The following XKR6 variants were observed in gnomAD, a reference collection of about 807,000 sequenced individuals.
The protein encoded by XKR6 is XK related 6, also known as XK-related protein 6.
In XKR6, 22 loss-of-function variants were observed where a neutral mutation model predicts 56.7. The observed-to-expected ratio is 0.39, with a 90% CI of 0.28 to 0.55. The LOEUF is 0.55. Ranked by LOEUF, XKR6 falls within the 20% of genes least tolerant of loss-of-function variation. The pLI is 0.66. For synonymous variants in XKR6, 524 were observed against 387.8 expected (o/e 1.35, Z -4.13); for missense variants, 852 against 889.0 (o/e 0.96, Z 0.53).
chr8:10,951,151 C>T (rs1801706819), intron 1 of XKR6, among the ~76,000 whole-genome samples: 1 of 152,222 alleles, frequency 6.6e-6, no homozygotes, highest in Non-Finnish European at 1.5e-5. Flanking sequence ...CTGGAGGCCA[C>T]AGCACCCCAG....
intron 1 of XKR6, among the ~76,000 whole-genome samples, chr8:11,035,876 G>T (rs190717973): frequency 6.6e-6 from 1 of 151,944 alleles, no homozygotes; most frequent in East Asian, 1.9e-4. Flanking sequence ...TACATCTAGG[G>T]CTCCCCTTTG....
intron 1 of XKR6, among the ~76,000 whole-genome samples, chr8:11,185,501 C>G (rs1440049861): frequency 6.6e-6 from 1 of 152,232 alleles, no homozygotes; most frequent in East Asian, 1.9e-4. Context: ...GAGTAAATTT[C>G]TAAATGTACG....
chr8:11,114,607 C>T lies in XKR6; in HGVS notation c.764+85969G>A, dbSNP rs1477930932. Among the ~76,000 whole-genome samples, 8 of 152,290 alleles carry T rather than the reference C, an allele frequency of 5.3e-5. 1 individual carries two copies. Among genetic ancestry groups the T allele is most frequent in the African/African-American group, 1.7e-4 (7 of 41,566 alleles). On this transcript the variant is annotated intron_variant, in intron 1 of 2. Coordinates refer to ENST00000416569, the MANE Select transcript of XKR6 (RefSeq NM_173683.4). ...AACTCCTGACCTCAGATGATCCACC[C>T]GCCTTGGCCTCCCAAAGTGCTGGGA... is the stretch of plus-strand genomic sequence containing the variant.
At chr8:11,082,053 A>C (rs543577534) in intron 1 of XKR6, among the ~76,000 whole-genome samples, 2 of 152,338 alleles carry the variant, frequency 1.3e-5, no homozygotes, top group African/African-American at 4.8e-5. Flanking sequence ...GCTAGCAGTC[A>C]GACCAGGCTG....
At chr8:10,960,513 A>G (rs971237479) in intron 1 of XKR6, among the ~76,000 whole-genome samples, 4 of 152,212 alleles carry the variant, frequency 2.6e-5, no homozygotes, top group Non-Finnish European at 5.9e-5. Context: ...CTCCACAAGA[A>G]AGGAAGAAAT....
chr8:11,180,741 CAAAA>C (rs200435649), intron 1 of XKR6, among the ~76,000 whole-genome samples: 4 of 151,346 alleles, frequency 2.6e-5, no homozygotes, highest in Non-Finnish European at 4.4e-5. Context: ...CCCAACTCCA[CAAAA>C]AAAATATAAA....
At chr8:11,106,881 G>A (rs1263389052) in intron 1 of XKR6, among the ~76,000 whole-genome samples, 3 of 102,136 alleles carry the variant, frequency 2.9e-5, no homozygotes, top group African/African-American at 5.2e-5. Context: ...AAGATACAAC[G>A]TTACAAAATG....
At chr8:11,095,657 A>G (rs1483635844) in intron 1 of XKR6, among the ~76,000 whole-genome samples, 5 of 152,208 alleles carry the variant, frequency 3.3e-5, no homozygotes, top group African/African-American at 1.2e-4. Context: ...GCCAAAATAT[A>G]TATGTATATA....
intron 1 of XKR6, among the ~76,000 whole-genome samples, chr8:10,942,301 C>A (rs963214445): frequency 1.3e-5 from 2 of 152,244 alleles, no homozygotes; most frequent in African/African-American, 2.4e-5. Flanking sequence ...AGAGCACACA[C>A]GCATGCAAAC....
intron 1 of XKR6, among the ~76,000 whole-genome samples, chr8:11,154,052 G>A (rs1801387621): frequency 6.6e-6 from 1 of 152,226 alleles, no homozygotes; most frequent in South Asian, 2.1e-4. Flanking sequence ...GCCTTGCCGA[G>A]AAGAGACATC....
intron 1 of XKR6, among the ~76,000 whole-genome samples, chr8:11,102,525 G>C (rs115302488): frequency 0.011 from 1,698 of 152,304 alleles, 37 homozygotes; most frequent in African/African-American, 0.037. Flanking sequence ...CAGGAAGCAA[G>C]AATGGAAGGG....
intron 1 of XKR6, among the ~76,000 whole-genome samples, chr8:11,097,585 A>G (rs2129174854): frequency 6.6e-6 from 1 of 151,856 alleles, no homozygotes; most frequent in East Asian, 1.9e-4. Context: ...GGGTGGGCGT[A>G]TCAACCGAGG....
chr8:11,178,620 CACACACAAATATATATATACACAT>C (rs1252772190), intron 1 of XKR6, among the ~76,000 whole-genome samples: 1 of 124,712 alleles, frequency 8.0e-6, no homozygotes, highest in Non-Finnish European at 1.6e-5. Flanking sequence ...TATATATATA[CACACACAAATATATATATACACAT>C]ACACACAAAT....
chr8:10,942,594 G>C (rs1282504075), intron 1 of XKR6, among the ~76,000 whole-genome samples: 2 of 152,242 alleles, frequency 1.3e-5, no homozygotes, highest in Non-Finnish European at 2.9e-5. Context: ...TCACCTCAGA[G>C]AGGACAGCAG....
intron 1 of XKR6, among the ~76,000 whole-genome samples, chr8:11,152,038 A>G (rs1801295499): frequency 6.6e-6 from 1 of 152,238 alleles, no homozygotes; most frequent in African/African-American, 2.4e-5. Context: ...TTAACAAATT[A>G]CTATCAAAAC....
intron 1 of XKR6, among the ~76,000 whole-genome samples, chr8:11,086,017 T>C (rs1272187080): frequency 1.3e-5 from 2 of 151,722 alleles, no homozygotes; most frequent in Non-Finnish European, 2.9e-5. Context: ...AATCAAAGTC[T>C]CCTCCTTGGC....
chr8:11,146,617 C>A (rs1375534085), intron 1 of XKR6, among the ~76,000 whole-genome samples: 1 of 146,806 alleles, frequency 6.8e-6, no homozygotes, highest in Non-Finnish European at 1.5e-5. Context: ...TAGAGTGAGA[C>A]CCTGTCAAAA....
Position 11,042,860 on chromosome 8 carries a change from T to C in XKR6, c.765-118030A>G, listed in dbSNP as rs1384568899. ...CCTTGGCAGAAATGGGGAAGGCAGC[T>C]CCCTGGGCCTCCCTAGCACTTAGGC... On this transcript the variant is annotated intron_variant, in intron 1 of 2. Coordinates refer to ENST00000416569, the MANE Select transcript of XKR6 (RefSeq NM_173683.4). 3.3e-5 allele frequency among the ~76,000 whole-genome samples: 5 copies of C among 152,174 alleles called. No homozygotes were observed. In the South Asian group the frequency reaches 8.3e-4, roughly 25 times the overall value.
At chr8:11,066,652 G>C (rs1414498206) in intron 1 of XKR6, among the ~76,000 whole-genome samples, 1 of 152,220 alleles carries the variant, frequency 6.6e-6, no homozygotes, top group African/African-American at 2.4e-5. Context: ...TTCCTCCAAA[G>C]CACGTGGACA....
Sources: gnomAD v4.1 joint callset for allele counts (sites outside exome capture counted in the v4.1 genomes callset) on GRCh38, gnomAD v4.1.1 for gene constraint, MANE v1.5 for transcripts, NCBI Gene and HGNC (gene_info 2026-07-23, HGNC 2026-07-21) for gene names.